Variants in CD2AP observed in about 807,000 individuals in gnomAD.
CD2AP encodes CD2 associated protein.
In CD2AP, 46 loss-of-function variants were observed where a neutral mutation model predicts 85.1. The ratio of observed to expected loss-of-function variants is 0.54; its 90% CI spans 0.43 to 0.69. The LOEUF (loss-of-function observed/expected upper bound fraction) is 0.69. Ranked by LOEUF, CD2AP falls within the 30% of genes least tolerant of loss-of-function variation. The pLI is 0.00. For missense variants in CD2AP, 769 were observed against 729.5 expected (o/e 1.05, Z -0.62); for synonymous variants, 255 against 252.9 (o/e 1.01, Z -0.08).
At chr6:47,623,739 T>C (rs903309864) in intron 17 of CD2AP, among the ~76,000 whole-genome samples, 1 of 152,134 alleles carries the variant, frequency 6.6e-6, no homozygotes, top group Non-Finnish European at 1.5e-5. Context: ...AGTCAAGTGA[T>C]TTAACAATAA....
intron 2 of CD2AP, among the ~76,000 whole-genome samples, chr6:47,505,613 G>T (rs1582487716): frequency 2.9e-5 from 3 of 102,976 alleles, no homozygotes; most frequent in Non-Finnish European, 4.3e-5. Context: ...GGCTGGCCGG[G>T]CGGGGGGGGC....
At chr6:47,610,205 T>C (rs898284040) in intron 16 of CD2AP, among the ~76,000 whole-genome samples, 4 of 152,166 alleles carry the variant, frequency 2.6e-5, no homozygotes, top group Admixed American at 6.5e-5. Flanking sequence ...ACCCATATTA[T>C]CTGTTGGTTT....
chr6:47,520,155 A>C (rs1427193038), intron 2 of CD2AP, among the ~76,000 whole-genome samples: 1 of 152,150 alleles, frequency 6.6e-6, no homozygotes, highest in East Asian at 1.9e-4. Flanking sequence ...TGAGGGGCTA[A>C]ATTGACTATG....
intron 8 of CD2AP, among the ~76,000 whole-genome samples, chr6:47,578,217 T>G (rs1768365860): frequency 6.6e-6 from 1 of 152,088 alleles, no homozygotes; most frequent in African/African-American, 2.4e-5. Flanking sequence ...AAAGAAAAAT[T>G]AAAGACAAGG....
At chr6:47,543,141 A>G (rs1218404719) in intron 3 of CD2AP, among the ~76,000 whole-genome samples, 1 of 125,254 alleles carries the variant, frequency 8.0e-6, no homozygotes, top group African/African-American at 3.1e-5. Flanking sequence ...ACAGAGCAAG[A>G]CTGTCTCAAA....
chr6:47,596,067 C>T, intron 12 of CD2AP, 41 bp downstream of exon 12: 1 of 1,418,764 alleles, frequency 7.0e-7, no homozygotes, highest in Non-Finnish European at 1.0e-6. Context: ...CTGATTTACT[C>T]ACCTTTGACC....
intron 1 of CD2AP, among the ~76,000 whole-genome samples, chr6:47,500,033 T>A (rs1274030245): frequency 6.6e-6 from 1 of 152,176 alleles, no homozygotes; most frequent in Non-Finnish European, 1.5e-5. Flanking sequence ...CTGCAGGAGT[T>A]AAGAATTTTA....
intron 2 of CD2AP, among the ~76,000 whole-genome samples, chr6:47,531,026 G>T (rs1168756761): frequency 6.6e-6 from 1 of 151,946 alleles, no homozygotes; most frequent in Admixed American, 6.6e-5. Flanking sequence ...AAGAAGGGAG[G>T]ATCACTTGAG....
chr6:47,547,653 A>G (rs558811172), intron 4 of CD2AP, among the ~76,000 whole-genome samples: 1 of 152,310 alleles, frequency 6.6e-6, no homozygotes, highest in South Asian at 2.1e-4. Context: ...AGTGAATTTA[A>G]ACTATACCCT....
At chr6:47,520,197 A>G (rs769257536) in intron 2 of CD2AP, among the ~76,000 whole-genome samples, 45 of 152,310 alleles carry the variant, frequency 3.0e-4, no homozygotes, top group Non-Finnish European at 5.7e-4. Context: ...GACTGGGGAT[A>G]AAGCAGACAT....
intron 4 of CD2AP, among the ~76,000 whole-genome samples, chr6:47,549,349 G>T (rs1328588521): frequency 6.7e-6 from 1 of 150,360 alleles, no homozygotes; most frequent in Admixed American, 6.7e-5. Flanking sequence ...AAAGAATTCA[G>T]CAAAGTTTCC....
intron 1 of CD2AP, among the ~76,000 whole-genome samples, chr6:47,500,363 A>G (rs1157694373): frequency 6.6e-6 from 1 of 152,002 alleles, no homozygotes; most frequent in East Asian, 1.9e-4. Context: ...GCAGTTTGGT[A>G]TTTCATTTAT....
chr6:47,565,293 G>A (rs774207236), intron 5 of CD2AP, among the ~76,000 whole-genome samples: 1 of 152,072 alleles, frequency 6.6e-6, no homozygotes, highest in Non-Finnish European at 1.5e-5. Context: ...TGCTTTGCTA[G>A]GAAAGTGTTA....
At chr6:47,574,361 T>A in intron 6 of CD2AP, 110 bp downstream of exon 6, 1 of 1,024,050 alleles carries the variant, frequency 9.8e-7, no homozygotes, top group Non-Finnish European at 1.5e-6. Context: ...TTCAGATCAC[T>A]AATAATTTGG....
rs560147787 is a variant in CD2AP at position 47,555,346 on chromosome 6, G to T, written c.541+580G>T. 2.0e-5 allele frequency among the ~76,000 whole-genome samples: 3 copies of T among 152,216 alleles called. No individual in the cohort carries two copies. In the East Asian group the frequency reaches 5.8e-4, roughly 29 times the overall value. On this transcript the variant is annotated intron_variant, in intron 5 of 17. Coordinates refer to ENST00000359314, the MANE Select transcript of CD2AP (RefSeq NM_012120.3). ...TTTTAAGAATTGCTGTTGGAATTAG[G>T]AGAGTTTTTTTTGTTTTCCAAAAGA...
In CD2AP at chr6:47,495,595, G is replaced by A. The variant is rs561300941; in HGVS notation, c.5-7685G>A. Among the ~76,000 whole-genome samples, 3 of 152,182 alleles carry A rather than the reference G, an allele frequency of 2.0e-5. 1 individual carries two copies. The highest frequency in any genetic ancestry group is 2.4e-5 in the African/African-American group (1 of 41,500). ...CTACTCTAGGTAATAAATAGATCTC[G>A]TCCGTGACTCTCTGGCTTTACCTGC... On this transcript the variant is annotated intron_variant, in intron 1 of 17. Coordinates refer to ENST00000359314, the MANE Select transcript of CD2AP (RefSeq NM_012120.3).
chr6:47,520,663 C>T (rs974630150), intron 2 of CD2AP, among the ~76,000 whole-genome samples: 2 of 150,786 alleles, frequency 1.3e-5, no homozygotes, highest in Non-Finnish European at 2.9e-5. Flanking sequence ...CTTATTATAG[C>T]CTGATGAGGA....
At chr6:47,558,800 C>T (rs1047371114) in intron 5 of CD2AP, among the ~76,000 whole-genome samples, 2 of 151,878 alleles carry the variant, frequency 1.3e-5, no homozygotes, top group African/African-American at 4.8e-5. Flanking sequence ...TTGTTGTGTC[C>T]GTGCCAAGTT....
chr6:47,553,513 ATTTT>A (rs148273065), intron 4 of CD2AP, among the ~76,000 whole-genome samples: 2 of 110,514 alleles, frequency 1.8e-5, no homozygotes, highest in African/African-American at 3.6e-5. Flanking sequence ...CACCTAGTGA[ATTTT>A]TTTTTTTTTT....
Sources: allele counts gnomAD v4.1 joint callset (sites outside exome capture counted in the v4.1 genomes callset), GRCh38; gene constraint gnomAD v4.1.1; transcripts MANE v1.5; gene names NCBI Gene and HGNC (gene_info 2026-07-23, HGNC 2026-07-21).